Variants in TBCK observed in about 807,000 individuals in gnomAD.
The protein encoded by TBCK is TBC1 domain containing kinase.
Under a neutral mutation model 113.4 loss-of-function variants are expected in TBCK, and 99 were observed. That is an observed-to-expected ratio of 0.87 (90% CI 0.74 to 1.03). The LOEUF is 1.03. Ranked by LOEUF, TBCK falls within the 50% of genes least tolerant of loss-of-function variation. The probability of loss-of-function intolerance (pLI) is 0.00; values close to 1 mark genes in which losing one functional copy is unlikely to be tolerated. For synonymous variants in TBCK, 369 were observed against 370.8 expected (o/e 1.00, Z 0.05); for missense variants, 1,045 against 1,061.3 (o/e 0.98, Z 0.21).
chr4:106,231,628 G>T, intron 18 of TBCK, 101 bp downstream of exon 18: 2 of 977,670 alleles, frequency 2.0e-6, no homozygotes, highest in Non-Finnish European at 3.1e-6. Context: ...CTACCAGGGA[G>T]AGAATAAGAG....
chr4:106,286,567 C>T (rs1360914855), intron 3 of TBCK, among the ~76,000 whole-genome samples: 5 of 152,104 alleles, frequency 3.3e-5, no homozygotes, highest in African/African-American at 1.2e-4. Flanking sequence ...CATGCCTGTG[C>T]CTGTAATCCC....
chr4:106,084,190 T>C (rs540131691), intron 25 of TBCK, among the ~76,000 whole-genome samples: 2 of 152,136 alleles, frequency 1.3e-5, no homozygotes, highest in African/African-American at 4.8e-5. Context: ...AGAAGACTGA[T>C]GAAAGGTTAG....
intron 24 of TBCK, among the ~76,000 whole-genome samples, chr4:106,100,016 T>C (rs1225335410): frequency 6.6e-6 from 1 of 152,208 alleles, no homozygotes; most frequent in Non-Finnish European, 1.5e-5. Flanking sequence ...CAATATGTTT[T>C]CTATCTCCTG....
chr4:106,268,547 A>C (rs1018297490), intron 3 of TBCK, among the ~76,000 whole-genome samples: 2 of 152,122 alleles, frequency 1.3e-5, no homozygotes, highest in Non-Finnish European at 2.9e-5. Context: ...AGAATGTATA[A>C]TCTTTTAGTT....
At chr4:106,077,123 C>T (rs143704076) in intron 25 of TBCK, among the ~76,000 whole-genome samples, 21 of 151,886 alleles carry the variant, frequency 1.4e-4, no homozygotes, top group African/African-American at 2.9e-4. Context: ...AAAAAAGCTA[C>T]GGGAATCTGA....
At chr4:106,114,513 C>A (rs62321367) in intron 24 of TBCK, among the ~76,000 whole-genome samples, 2 of 152,236 alleles carry the variant, frequency 1.3e-5, no homozygotes, top group South Asian at 4.1e-4. Flanking sequence ...GCCTGCAGCA[C>A]CAGCTTGTCA....
At chr4:106,275,608 A>C (rs1039182294) in intron 3 of TBCK, among the ~76,000 whole-genome samples, 1 of 152,212 alleles carries the variant, frequency 6.6e-6, no homozygotes, top group African/African-American at 2.4e-5. Flanking sequence ...AATATAAAAA[A>C]TTCACATATT....
chr4:106,214,123 G>A (rs1228100312), intron 19 of TBCK, among the ~76,000 whole-genome samples: 2 of 151,924 alleles, frequency 1.3e-5, no homozygotes, highest in South Asian at 2.1e-4. Context: ...CACCTCACAC[G>A]GCAGGGTACT....
intron 12 of TBCK, chr4:106,238,667 AAAC>A (rs1759743120): frequency 6.6e-6 from 1 of 152,152 alleles, no homozygotes; most frequent in Non-Finnish European, 1.5e-5. Context: ...TACAAAATAT[AAAC>A]AGCTTAGAAG....
chr4:106,083,321 C>T (rs73836974), intron 25 of TBCK, among the ~76,000 whole-genome samples: 1,843 of 151,960 alleles, frequency 0.012, 38 homozygotes, highest in African/African-American at 0.039. Flanking sequence ...TGGCAGTCTG[C>T]GGCCAAAGTG....
At chr4:106,178,991 C>A (rs1033158063) in intron 22 of TBCK, among the ~76,000 whole-genome samples, 2 of 151,832 alleles carry the variant, frequency 1.3e-5, no homozygotes, top group Non-Finnish European at 2.9e-5. Context: ...GAAATTTATT[C>A]ATCTCTTCAT....
chr4:106,235,183 GA>G, intron 15 of TBCK, 85 bp downstream of exon 15: 1 of 843,944 alleles, frequency 1.2e-6, no homozygotes, highest in Non-Finnish European at 1.7e-6. Flanking sequence ...CTAATAACTA[GA>G]AAAATATATA....
intron 24 of TBCK, among the ~76,000 whole-genome samples, chr4:106,112,161 T>A (rs1160370390): frequency 1.3e-5 from 2 of 152,198 alleles, no homozygotes; most frequent in African/African-American, 4.8e-5. Flanking sequence ...TATATCCAGT[T>A]AGTCAGTAAA....
At chr4:106,285,478 A>G (rs907600565) in intron 3 of TBCK, among the ~76,000 whole-genome samples, 3 of 152,168 alleles carry the variant, frequency 2.0e-5, no homozygotes, top group African/African-American at 7.2e-5. Flanking sequence ...CGGTCATGAA[A>G]AAAAGTCAGC....
At chr4:106,080,195 T>A (rs541922682) in intron 25 of TBCK, among the ~76,000 whole-genome samples, 5 of 150,660 alleles carry the variant, frequency 3.3e-5, no homozygotes, top group Non-Finnish European at 7.4e-5. Flanking sequence ...AAAGTTGGCA[T>A]GAACCAAAAA....
intron 23 of TBCK, among the ~76,000 whole-genome samples, chr4:106,136,177 G>C (rs1415002025): frequency 1.5e-5 from 2 of 136,698 alleles, no homozygotes; most frequent in African/African-American, 5.2e-5. Context: ...TTCCTTTTCT[G>C]TTATTTTTCC....
intron 25 of TBCK, among the ~76,000 whole-genome samples, chr4:106,077,325 C>T (rs1403849334): frequency 2.6e-5 from 4 of 152,136 alleles, no homozygotes; most frequent in Non-Finnish European, 5.9e-5. Context: ...ATAGCAATAT[C>T]GACCATGAAT....
intron 25 of TBCK, among the ~76,000 whole-genome samples, chr4:106,067,749 T>C (rs184715540): frequency 2.0e-5 from 3 of 152,286 alleles, no homozygotes; most frequent in East Asian, 3.9e-4. Context: ...TTGAATAATC[T>C]ATCTTTTCTC....
chr4:106,075,416 G>C (rs1175583279), intron 25 of TBCK, among the ~76,000 whole-genome samples: 2 of 152,150 alleles, frequency 1.3e-5, no homozygotes, highest in African/African-American at 2.4e-5. Flanking sequence ...ATAGCATCTG[G>C]TTTCTGATAA....
Sources: allele counts gnomAD v4.1 joint callset (sites outside exome capture counted in the v4.1 genomes callset), GRCh38; gene constraint gnomAD v4.1.1; transcripts MANE v1.5; gene names NCBI Gene and HGNC (gene_info 2026-07-23, HGNC 2026-07-21).